ERCC6L2: variants seen among roughly 807,000 people sequenced by gnomAD.
ERCC6L2 encodes DNA excision repair protein ERCC-6-like 2.
A neutral mutation model predicts 132.0 loss-of-function variants in ERCC6L2; 77 were observed. The observed-to-expected ratio is 0.58, with a 90% CI of 0.49 to 0.71. The LOEUF (loss-of-function observed/expected upper bound fraction) is 0.71. Among genes scored for constraint, ERCC6L2 ranks in the 30% least tolerant of loss-of-function variants. ERCC6L2 has a pLI of 0.00. For missense variants in ERCC6L2, 1,542 were observed against 1,837.6 expected (o/e 0.84, Z 2.94); for synonymous variants, 583 against 632.4 (o/e 0.92, Z 1.17).
At chr9:95,949,576 CA>C (rs1831233627) in intron 12 of ERCC6L2, among the ~76,000 whole-genome samples, 1 of 151,916 alleles carries the variant, frequency 6.6e-6, no homozygotes, top group Admixed American at 6.5e-5. Flanking sequence ...AAAAAACAAA[CA>C]AACTGTCAAC....
At chr9:95,889,106 T>A (rs1416385828) in intron 2 of ERCC6L2, among the ~76,000 whole-genome samples, 1 of 152,178 alleles carries the variant, frequency 6.6e-6, no homozygotes, top group Non-Finnish European at 1.5e-5. Context: ...ATAAAGCTAA[T>A]CTATACTTAG....
At chr9:95,975,471 C>CTTTT (rs572855007) in intron 16 of ERCC6L2, among the ~76,000 whole-genome samples, 2,884 of 111,126 alleles carry the variant, frequency 0.026, 78 homozygotes, top group Admixed American at 0.057. Context: ...ATTATATGTT[C>CTTTT]TTTTTTTTTT....
chr9:95,887,199 G>C (rs563954850), intron 2 of ERCC6L2, among the ~76,000 whole-genome samples: 94 of 152,030 alleles, frequency 6.2e-4, no homozygotes, highest in South Asian at 3.1e-3. Flanking sequence ...AAGTGGGTTG[G>C]GGGGGAGAAA....
At chr9:95,927,010 T>C (rs1425676543) in intron 9 of ERCC6L2, among the ~76,000 whole-genome samples, 1 of 152,106 alleles carries the variant, frequency 6.6e-6, no homozygotes, top group African/African-American at 2.4e-5. Context: ...TATGTGAAAT[T>C]CAAATTACAT....
chr9:96,022,570 AG>A (rs1240158016), downstream of ERCC6L2, among the ~76,000 whole-genome samples: 1 of 152,140 alleles, frequency 6.6e-6, no homozygotes, highest in Non-Finnish European at 1.5e-5. Context: ...TCACCCTGGC[AG>A]GGGCTTCCGC....
intron 3 of ERCC6L2, among the ~76,000 whole-genome samples, chr9:95,900,960 G>A (rs1239054416): frequency 6.6e-6 from 1 of 151,954 alleles, no homozygotes; most frequent in Non-Finnish European, 1.5e-5. Flanking sequence ...TGTAGTCCCA[G>A]CTACTCAGGA....
chr9:95,887,313 A>G (rs898260429), intron 2 of ERCC6L2, among the ~76,000 whole-genome samples: 2 of 152,190 alleles, frequency 1.3e-5, no homozygotes, highest in Non-Finnish European at 2.9e-5. Flanking sequence ...TTGAGTTTTA[A>G]TGAATTTTAT....
intron 17 of ERCC6L2, 92 bp downstream of exon 17, chr9:95,978,307 T>C (rs571977474): frequency 2.6e-5 from 21 of 793,042 alleles, no homozygotes; most frequent in Non-Finnish European, 3.5e-5. Flanking sequence ...CCCTCAAAAG[T>C]AGCAACAAAA....
At chr9:95,899,301 A>G (rs1828632162) in intron 3 of ERCC6L2, among the ~76,000 whole-genome samples, 2 of 152,040 alleles carry the variant, frequency 1.3e-5, no homozygotes, top group Non-Finnish European at 2.9e-5. Flanking sequence ...AATACAGAAA[A>G]TTAGTCAGGT....
chr9:95,930,573 T>A (rs933299162), intron 11 of ERCC6L2, among the ~76,000 whole-genome samples: 1 of 152,222 alleles, frequency 6.6e-6, no homozygotes, highest in Non-Finnish European at 1.5e-5. Flanking sequence ...TTAAGAAAGA[T>A]GATTAGGCTA....
chr9:95,930,955 A>T (rs1830311643), intron 11 of ERCC6L2, among the ~76,000 whole-genome samples: 1 of 152,206 alleles, frequency 6.6e-6, no homozygotes, highest in South Asian at 2.1e-4. Context: ...GCCCTGTACC[A>T]GTAACCGGTT....
chr9:96,031,177 T>C (rs977255317), intron 19 of ERCC6L2, among the ~76,000 whole-genome samples: 2 of 152,256 alleles, frequency 1.3e-5, no homozygotes, highest in Non-Finnish European at 2.9e-5. Context: ...AGCAAGGTGC[T>C]GTGCTCAAGG....
intron 17 of ERCC6L2, among the ~76,000 whole-genome samples, chr9:95,984,292 T>C (rs1833008971): frequency 6.7e-6 from 1 of 149,406 alleles, no homozygotes; most frequent in African/African-American, 2.4e-5. Context: ...ATACATGTTA[T>C]ATGTTATATA....
intron 12 of ERCC6L2, among the ~76,000 whole-genome samples, chr9:95,944,558 C>G (rs1251654737): frequency 2.0e-5 from 3 of 152,100 alleles, no homozygotes; most frequent in Non-Finnish European, 4.4e-5. Flanking sequence ...AAAAGCCACC[C>G]ACAGTGATTA....
intron 9 of ERCC6L2, among the ~76,000 whole-genome samples, chr9:95,927,266 G>C (rs1446518812): frequency 6.6e-6 from 1 of 151,978 alleles, no homozygotes; most frequent in Non-Finnish European, 1.5e-5. Flanking sequence ...GTTATATTGA[G>C]TATTTTTTTT....
intron 17 of ERCC6L2, among the ~76,000 whole-genome samples, chr9:95,988,815 A>T (rs781404571): frequency 1.3e-5 from 2 of 152,200 alleles, no homozygotes; most frequent in African/African-American, 2.4e-5. Flanking sequence ...GCCTGGATAC[A>T]GTATCAGATC....
intron 6 of ERCC6L2, 42 bp from the exon 7 acceptor site, chr9:95,921,133 T>C (rs368981276): frequency 5.5e-5 from 84 of 1,537,086 alleles, no homozygotes; most frequent in Non-Finnish European, 6.9e-5. Context: ...ATTATTGTTA[T>C]AAACAAAATA....
downstream of ERCC6L2, chr9:96,021,138 G>A (rs990742383): frequency 2.1e-5 from 8 of 384,714 alleles, no homozygotes; most frequent in Non-Finnish European, 3.6e-5. This position sits in a 1 kb window ranked among gnomAD's most constrained non-coding sequence, Gnocchi z 4.7. Flanking sequence ...GGGGAACCCC[G>A]CGGGCCAAGT....
intron 2 of ERCC6L2, among the ~76,000 whole-genome samples, chr9:95,887,299 T>C (rs1827923981): frequency 6.6e-6 from 1 of 152,238 alleles, no homozygotes; most frequent in Non-Finnish European, 1.5e-5. Flanking sequence ...CTTTGAGTTT[T>C]GAATTGAGTT....
Sources: gnomAD v4.1 joint callset for allele counts (sites outside exome capture counted in the v4.1 genomes callset) on GRCh38, gnomAD v4.1.1 for gene constraint, Gnocchi (gnomAD v3.1) non-coding constraint, MANE v1.5 for transcripts, NCBI Gene and HGNC (gene_info 2026-07-23, HGNC 2026-07-21) for gene names.